The following MIER3 variants were observed in gnomAD, a reference collection of about 807,000 sequenced individuals.
MIER3 encodes the protein mesoderm induction early response protein 3.
MIER3 carries 9 observed loss-of-function variants against 63.2 expected under a neutral mutation model. That is an observed-to-expected ratio of 0.14 (90% confidence interval 0.09 to 0.25). The LOEUF is 0.25. Among genes scored for constraint, MIER3 ranks in the 10% least tolerant of loss-of-function variants. MIER3 has a pLI of 1.00. For missense variants in MIER3, 512 were observed against 666.2 expected (o/e 0.77, Z 2.55); for synonymous variants, 205 against 224.9 (o/e 0.91, Z 0.79).
rs971288171 is a variant in MIER3 at position 56,923,170 on chromosome 5, A to G, written c.1611T>C (p.Ser537=). The G allele has an allele frequency of 6.2e-7, 1 of 1,613,866 alleles. No homozygotes were observed. Among genetic ancestry groups the G allele is most frequent in the Non-Finnish European group, 8.5e-7 (1 of 1,180,000 alleles). ...LSANETNGFI[S]AHALHQHAAL... is the part of the protein sequence containing the mutation. Reference sequence around the variant, plus strand: ...CCGCGTGCTGATGCAGAGCATGGGCACTGATGAAACCATTGGTCTCGTTGG... The same window carrying G: ...CCGCGTGCTGATGCAGAGCATGGGCGCTGATGAAACCATTGGTCTCGTTGG... The change falls in exon 13 of 13, where the codon AGT becomes AGC. Residue 537 remains serine, a synonymous_variant. Transcript: ENST00000381199.
At chr5:56,929,244 A>T (rs1157775298) in intron 9 of MIER3, 1 of 156,854 alleles carries the variant, frequency 6.4e-6, no homozygotes, top group East Asian at 1.8e-4. Context: ...TTATTGGGGG[A>T]AAGAAGCTCT....
chr5:56,938,596 A>G (rs1255591413), intron 4 of MIER3, among the ~76,000 whole-genome samples: 1 of 152,230 alleles, frequency 6.6e-6, no homozygotes, highest in Non-Finnish European at 1.5e-5. Flanking sequence ...TATAGGATCA[A>G]AAGAAGTTAA....
chr5:56,947,153 G>A, intron 2 of MIER3, 82 bp from the exon 3 acceptor site: 1 of 1,396,070 alleles, frequency 7.2e-7, no homozygotes, highest in Non-Finnish European at 9.6e-7. Context: ...TCTTCTGCCA[G>A]TCCCTTTTCA....
chr5:56,950,566 C>T lies in MIER3; in HGVS notation c.34+62G>A, dbSNP rs1579869674. On this transcript the variant is annotated intron_variant, in intron 2 of 12. Transcript: ENST00000381199. ...ATTTCTATTGGGAATCCTTTAGCAA[C>T]AGACCTTTGAGCCCACATTACCCAC... The T allele has an allele frequency of 4.5e-6, 7 of 1,548,186 alleles. No individual in the cohort carries two copies. In the East Asian group the frequency reaches 1.6e-4, roughly 35 times the overall value.
intron 5 of MIER3, 133 bp downstream of exon 5, chr5:56,937,445 A>C: frequency 1.1e-6 from 1 of 902,520 alleles, no homozygotes; most frequent in Non-Finnish European, 1.6e-6. Flanking sequence ...AATCTTGTTT[A>C]AATTATAGAA....
Position 56,947,048 on chromosome 5 carries a change from G to A in MIER3, c.58C>T (p.His20Tyr). 1 of 1,609,046 alleles carries A rather than the reference G, an allele frequency of 6.2e-7. No homozygotes were observed. The highest frequency in any genetic ancestry group is 8.5e-7 in the Non-Finnish European group (1 of 1,178,450). ...ATCTCAGCAGTGGGGTCAAAATCAT[G>A]ATCCTCAGAAGACAAAGACCCAACT... The part of the protein sequence containing the change: ...SPVGSLSSED[H>Y]DFDPTAEMLV... Residue 20 changes from histidine (H) to tyrosine (Y), a missense_variant, in exon 3 of 13, where the codon CAT (histidine) becomes TAT (tyrosine). His to Tyr is a moderately conservative substitution (Grantham distance 83, BLOSUM62 2). This residue lies in a region of MIER3 where 98 missense variants were observed against 107.4 expected (regional missense o/e 0.91). Coordinates refer to ENST00000381199, the MANE Select transcript of MIER3 (RefSeq NM_001297599.2).
At chr5:56,951,052 A>T (rs2112161533) in intron 1 of MIER3, among the ~76,000 whole-genome samples, 1 of 151,666 alleles carries the variant, frequency 6.6e-6, no homozygotes, top group Non-Finnish European at 1.5e-5. Flanking sequence ...GAAACGTAAC[A>T]CCCTTTTCTG....
chr5:56,933,179 G>GT, intron 8 of MIER3, 68 bp downstream of exon 8: 1 of 1,418,220 alleles, frequency 7.1e-7, no homozygotes. Flanking sequence ...AAAAATATCT[G>GT]TATCAAATAT....
intron 7 of MIER3, among the ~76,000 whole-genome samples, chr5:56,934,742 G>A (rs969303206): frequency 1.3e-4 from 20 of 152,142 alleles, no homozygotes; most frequent in Admixed American, 1.1e-3. Flanking sequence ...AAGGACTCAG[G>A]AAGTATTGTG....
In MIER3 at chr5:56,923,036, G is replaced by C. The variant is rs1749747559; in HGVS notation, c.*92C>G. ...ACATCACTGATGTCATAGTGAGAAA[G>C]GTTCAAACTTCCAGTGAAAGACTAT... On this transcript the variant is annotated 3_prime_UTR_variant, in exon 13 of 13. Transcript: ENST00000381199. The C allele has an allele frequency of 2.0e-6, 2 of 990,996 alleles. No homozygotes were observed. The highest frequency in any genetic ancestry group is 2.4e-5 in the Admixed American group (1 of 42,012). The allele number at this position is 990,996 out of a possible 1,614,324, so 61.4% of individuals were successfully genotyped here. A position where few individuals can be genotyped will look rare whatever the true frequency, so the allele number is the denominator to read the frequency against.
chr5:56,928,633 T>C, intron 10 of MIER3, 134 bp downstream of exon 10: 1 of 590,582 alleles, frequency 1.7e-6, no homozygotes, highest in Non-Finnish European at 2.9e-6. Context: ...AAATTAGTCA[T>C]GTTAGAATGA....
intron 3 of MIER3, among the ~76,000 whole-genome samples, chr5:56,944,098 C>T (rs1750744601): frequency 1.3e-5 from 2 of 152,074 alleles, no homozygotes. Context: ...CACTCCCTCA[C>T]ATATCAGAAT....
At chr5:56,939,852 G>A (rs2112126519) in intron 3 of MIER3, among the ~76,000 whole-genome samples, 1 of 152,236 alleles carries the variant, frequency 6.6e-6, no homozygotes, top group African/African-American at 2.4e-5. Flanking sequence ...ATACAGCTGT[G>A]GTAGGAATAA....
At position 56,952,038 on chromosome 5, in the gene MIER3, G is replaced by T. The variant is rs1751055666; in HGVS notation, c.9+56C>A. 4 of 1,253,518 alleles carry T rather than the reference G, an allele frequency of 3.2e-6. No homozygotes were observed. The Admixed American group carries it at 1.1e-4, about 34-fold the overall frequency. The allele number at this position is 1,253,518 out of a possible 1,614,324, so 77.6% of individuals were successfully genotyped here. A position where few individuals can be genotyped will look rare whatever the true frequency, so the allele number is the denominator to read the frequency against. ...CCCCAGGCTGGCTCGGGGGTCGCGG[G>T]GAGCCGCCGGGCGCCCGCTCCAGCC... is the stretch of plus-strand genomic sequence containing the variant. On this transcript the variant is annotated intron_variant, in intron 1 of 12. Coordinates refer to ENST00000381199, the MANE Select transcript of MIER3 (RefSeq NM_001297599.2).
At chr5:56,923,858 T>A (rs1749815587) in intron 11 of MIER3, 25 bp from the exon 12 acceptor site, 2 of 1,613,954 alleles carry the variant, frequency 1.2e-6, no homozygotes, top group South Asian at 2.2e-5. Context: ...CCAGTAATTT[T>A]ATGACTATAT....
chr5:56,929,671 A>C (rs1287546978), intron 9 of MIER3: 1 of 152,226 alleles, frequency 6.6e-6, no homozygotes, highest in African/African-American at 2.4e-5. Context: ...TATACTCTGG[A>C]AATATAAAGG....
intron 7 of MIER3, among the ~76,000 whole-genome samples, chr5:56,933,824 A>C (rs535169541): frequency 6.6e-6 from 1 of 152,278 alleles, no homozygotes; most frequent in South Asian, 2.1e-4. Context: ...TTGCAAATAA[A>C]TAAAACCCAA....
intron 10 of MIER3, chr5:56,928,064 T>C (rs1298432717): frequency 6.6e-6 from 1 of 152,182 alleles, no homozygotes; most frequent in Non-Finnish European, 1.5e-5. Context: ...TTTTTAGTGC[T>C]GAATAATAGT....
At chr5:56,934,462 C>T (rs1330316199) in intron 7 of MIER3, among the ~76,000 whole-genome samples, 12 of 152,190 alleles carry the variant, frequency 7.9e-5, no homozygotes, top group Admixed American at 7.9e-4. Context: ...AATATCACCT[C>T]TACTATGTGT....
Sources: gnomAD v4.1 joint callset for allele counts (sites outside exome capture counted in the v4.1 genomes callset) on GRCh38, gnomAD v4.1.1 for gene constraint, gnomAD v4.1.1 regional missense constraint, MANE v1.5 for transcripts, NCBI Gene and HGNC (gene_info 2026-07-23, HGNC 2026-07-21) for gene names.